LY96: variants seen among roughly 807,000 people sequenced by gnomAD.
LY96 encodes lymphocyte antigen 96, also known as myeloid differentiation protein-2.
In LY96, 18 loss-of-function variants were observed where a neutral mutation model predicts 18.9. The observed-to-expected ratio is 0.95, with a 90% CI of 0.66 to 1.41. The LOEUF is 1.41. LY96 is among the 40% of genes most tolerant of loss of function. The pLI is 0.00. For synonymous variants in LY96, 66 were observed against 62.6 expected (o/e 1.06, Z -0.26); for missense variants, 175 against 182.4 (o/e 0.96, Z 0.23).
the LY96 span, among the ~76,000 whole-genome samples, chr8:74,060,975 A>C: frequency 6.6e-6 from 1 of 152,312 alleles, no homozygotes; most frequent in African/African-American, 2.4e-5. Flanking sequence ...GAGCATTTCT[A>C]TACCTTCGTG....
chr8:74,094,946 G>A, the LY96 span, among the ~76,000 whole-genome samples: 1 of 152,200 alleles, frequency 6.6e-6, no homozygotes, highest in Non-Finnish European at 1.5e-5. Flanking sequence ...GCTGGTGATA[G>A]GAGATGATTT....
At chr8:74,077,594 G>T in the LY96 span, among the ~76,000 whole-genome samples, 10 of 151,802 alleles carry the variant, frequency 6.6e-5, no homozygotes, top group African/African-American at 1.9e-4. Context: ...ACTAGAGAAG[G>T]GCTCAAAGAG....
the LY96 span, among the ~76,000 whole-genome samples, chr8:74,042,348 C>A: frequency 6.6e-6 from 1 of 152,046 alleles, no homozygotes; most frequent in African/African-American, 2.4e-5. Context: ...TGGTGAAACC[C>A]CATCTCTCTA....
At chr8:74,094,035 T>C in the LY96 span, among the ~76,000 whole-genome samples, 1 of 152,166 alleles carries the variant, frequency 6.6e-6, no homozygotes. Context: ...ATTATAATTA[T>C]ATAATTATGA....
chr8:74,042,088 G>A, the LY96 span, among the ~76,000 whole-genome samples: 6 of 152,038 alleles, frequency 3.9e-5, no homozygotes, highest in South Asian at 2.1e-4. Flanking sequence ...TGACACTTAC[G>A]GAAAATAGAA....
the LY96 span, among the ~76,000 whole-genome samples, chr8:74,074,934 G>A: frequency 1.1e-4 from 17 of 152,096 alleles, no homozygotes; most frequent in African/African-American, 4.1e-4. Flanking sequence ...TGATCCATAT[G>A]CTGAGGAAAA....
chr8:74,064,883 A>G, the LY96 span, among the ~76,000 whole-genome samples: 1 of 152,242 alleles, frequency 6.6e-6, no homozygotes, highest in Admixed American at 6.5e-5. Context: ...AATATTGTAC[A>G]TTGTACACTC....
chr8:74,016,322 A>G (rs2131274315), intron 3 of LY96, among the ~76,000 whole-genome samples: 1 of 152,334 alleles, frequency 6.6e-6, no homozygotes, highest in South Asian at 2.1e-4. Flanking sequence ...GGCGTCCGCC[A>G]TTGCTGAGGC....
At chr8:74,013,983 G>A (rs1395582087) in intron 3 of LY96, among the ~76,000 whole-genome samples, 1 of 152,084 alleles carries the variant, frequency 6.6e-6, no homozygotes, top group Non-Finnish European at 1.5e-5. Context: ...GCTGAGGCAG[G>A]AAACTTGGGT....
At chr8:74,037,331 A>G in the LY96 span, among the ~76,000 whole-genome samples, 1 of 152,136 alleles carries the variant, frequency 6.6e-6, no homozygotes, top group Non-Finnish European at 1.5e-5. Context: ...AAGAATGGTG[A>G]GTCTAAAAAA....
At chr8:74,095,487 A>G in the LY96 span, among the ~76,000 whole-genome samples, 1 of 152,244 alleles carries the variant, frequency 6.6e-6, no homozygotes, top group South Asian at 2.1e-4. Context: ...CTGTGGGGAA[A>G]AACATTTCTC....
the LY96 span, among the ~76,000 whole-genome samples, chr8:74,040,508 A>G: frequency 2.6e-5 from 4 of 152,176 alleles, no homozygotes; most frequent in East Asian, 1.9e-4. Flanking sequence ...TTTGATTTGT[A>G]TACATAATGA....
the LY96 span, among the ~76,000 whole-genome samples, chr8:74,067,502 T>C: frequency 1.3e-5 from 2 of 152,258 alleles, no homozygotes; most frequent in Non-Finnish European, 2.9e-5. Context: ...CGTGAGCCAC[T>C]CCGCCTTCCA....
At chr8:74,042,170 TA>T in the LY96 span, among the ~76,000 whole-genome samples, 1 of 152,188 alleles carries the variant, frequency 6.6e-6, no homozygotes, top group African/African-American at 2.4e-5. Flanking sequence ...TTAAGTTAAT[TA>T]AAAATAACAA....
chr8:74,083,075 T>C, the LY96 span, among the ~76,000 whole-genome samples: 1 of 152,116 alleles, frequency 6.6e-6, no homozygotes, highest in African/African-American at 2.4e-5. Context: ...CTGGATTAAT[T>C]TGAAGTAAGT....
chr8:74,081,916 G>T, the LY96 span, among the ~76,000 whole-genome samples: 1 of 152,182 alleles, frequency 6.6e-6, no homozygotes, highest in Non-Finnish European at 1.5e-5. Context: ...GATTACAGGC[G>T]TGAGCCACCG....
Position 74,009,374 on chromosome 8 carries a change from CAAAAA to C in LY96, c.203-606_203-602del, listed in dbSNP as rs370593442. On this transcript the variant is annotated intron_variant, in intron 2 of 4. Transcript: ENST00000284818. ...TACGCCACTGCACTCCAGTCTTTCTCAAAAAAAAAAAAAAAAAAAAAAAAAGAAGA... is the reference window on the plus strand; with the variant it reads ...TACGCCACTGCACTCCAGTCTTTCTCAAAAAAAAAAAAAAAAAAAAGAAGA... Among the ~76,000 whole-genome samples, 92 of 58,846 alleles carry C rather than the reference CAAAAA, an allele frequency of 1.6e-3. No individual in the cohort carries two copies. In the East Asian group the frequency reaches 0.041, roughly 26 times the overall value. 38.6% of individuals were successfully genotyped at this position (58,846 alleles called of 152,430 possible). A position where few individuals can be genotyped will look rare whatever the true frequency, so the allele number is the denominator to read the frequency against.
chr8:74,094,685 C>T, the LY96 span, among the ~76,000 whole-genome samples: 5 of 152,198 alleles, frequency 3.3e-5, no homozygotes, highest in African/African-American at 4.8e-5. Flanking sequence ...TATGATCATC[C>T]GTGTGAGTAT....
chr8:74,088,003 C>T, the LY96 span, among the ~76,000 whole-genome samples: 4 of 152,060 alleles, frequency 2.6e-5, no homozygotes, highest in African/African-American at 9.6e-5. Flanking sequence ...TATCCACTAA[C>T]CACCCATCTA....
Sources: allele counts gnomAD v4.1 joint callset (sites outside exome capture counted in the v4.1 genomes callset), GRCh38; gene constraint gnomAD v4.1.1; transcripts MANE v1.5; gene names NCBI Gene and HGNC (gene_info 2026-07-23, HGNC 2026-07-21).